PDXK: variants seen among roughly 807,000 people sequenced by gnomAD.
PDXK encodes the protein pyridoxal kinase, also known as epididymis secretory sperm binding protein Li 1a.
Under a neutral mutation model 43.2 loss-of-function variants are expected in PDXK, and 15 were observed. The ratio of observed to expected loss-of-function variants is 0.35; its 90% CI spans 0.23 to 0.53. PDXK has a LOEUF of 0.53. PDXK is among the 20% of genes least tolerant of loss of function. PDXK has a pLI of 0.92. For missense variants in PDXK, 343 were observed against 417.0 expected (o/e 0.82, Z 1.54); for synonymous variants, 172 against 165.4 (o/e 1.04, Z -0.31).
intron 3 of PDXK, 110 bp from the exon 4 acceptor site, chr21:43,743,614 T>A: frequency 5.2e-6 from 2 of 381,578 alleles, no homozygotes; most frequent in Non-Finnish European, 9.6e-6. Flanking sequence ...CCCACCTCCC[T>A]CCCCAGCCAC....
chr21:43,752,298 G>A (rs540645593), intron 7 of PDXK, among the ~76,000 whole-genome samples: 5 of 152,378 alleles, frequency 3.3e-5, no homozygotes, highest in African/African-American at 7.2e-5. Context: ...GGAGCCACAC[G>A]GTTTGGGCTG....
intron 2 of PDXK, among the ~76,000 whole-genome samples, chr21:43,736,736 G>T (rs2083410043): frequency 7.0e-6 from 1 of 143,850 alleles, no homozygotes; most frequent in African/African-American, 2.6e-5. Context: ...GAGCTCAAGA[G>T]ATCCTCCCAC....
chr21:43,738,662 G>T (rs1162936581), intron 2 of PDXK: 2 of 152,376 alleles, frequency 1.3e-5, no homozygotes, highest in South Asian at 2.1e-4. Flanking sequence ...ACAGACACAC[G>T]AGCTCCTGGT....
chr21:43,750,912 ATGTGTG>A (rs1568991095), intron 7 of PDXK, among the ~76,000 whole-genome samples: 56 of 62,902 alleles, frequency 8.9e-4, no homozygotes, highest in African/African-American at 2.8e-3. Context: ...GTGTGCACGC[ATGTGTG>A]CATGTGTGTG....
At chr21:43,733,715 T>A in intron 1 of PDXK, 1 of 1,091,272 alleles carries the variant, frequency 9.2e-7, no homozygotes, top group Non-Finnish European at 1.2e-6. Context: ...GGGTATTGCC[T>A]TCGTTTTATT....
chr21:43,753,256 G>A (rs547036525), intron 8 of PDXK, among the ~76,000 whole-genome samples: 5 of 152,120 alleles, frequency 3.3e-5, no homozygotes, highest in Middle Eastern at 3.4e-3. Context: ...ATGCATACAC[G>A]TGGGCACACG....
chr21:43,721,101 C>T (rs1222897736), intron 1 of PDXK, among the ~76,000 whole-genome samples: 1 of 152,236 alleles, frequency 6.6e-6, no homozygotes, highest in Non-Finnish European at 1.5e-5. Flanking sequence ...ATTTTGCTCC[C>T]ATACCCCGAT....
intron 1 of PDXK, chr21:43,728,905 A>G (rs1316076790): frequency 3.0e-6 from 3 of 985,562 alleles, no homozygotes; most frequent in Non-Finnish European, 3.6e-6. Context: ...TTTCTAAGCC[A>G]TCCCACTGGC....
chr21:43,726,615 C>T (rs182179753), intron 1 of PDXK, among the ~76,000 whole-genome samples: 1 of 152,262 alleles, frequency 6.6e-6, no homozygotes, highest in East Asian at 1.9e-4. Context: ...ACCATGTTGG[C>T]CAGGCTGGTC....
At chr21:43,733,464 A>T (rs941405526) in intron 1 of PDXK, 1 of 166,302 alleles carries the variant, frequency 6.0e-6, no homozygotes, top group Non-Finnish European at 1.2e-5. Context: ...TGGCCCTGGG[A>T]GATACAGGAA....
chr21:43,752,779 G>T, intron 8 of PDXK, 150 bp downstream of exon 8: 1 of 610,410 alleles, frequency 1.6e-6, no homozygotes, highest in East Asian at 2.8e-5. Flanking sequence ...GACTCTCAGG[G>T]ATCAGGTGGG....
rs1050388509 is a variant in PDXK, at chr21:43,735,782, G to C, written c.142+1659G>C. Among the ~76,000 whole-genome samples, 1 of 152,160 alleles carries C rather than the reference G, an allele frequency of 6.6e-6. No homozygotes were observed. The highest frequency in any genetic ancestry group is 1.5e-5 in the Non-Finnish European group (1 of 68,014). ...TGTGCGGCCTGATCAGGAGGCCCCC[G>C]GGTAGCTTCCCTAAGGCTGTCTCTG... On this transcript the variant is annotated intron_variant, in intron 2 of 10. Transcript: ENST00000291565. The surrounding 1 kb of genome is among the most constrained non-coding windows in gnomAD (Gnocchi z 5.3).
chr21:43,733,878 G>C (rs2083361033), intron 1 of PDXK, among the ~76,000 whole-genome samples, 191 bp from the exon 2 acceptor site: 1 of 152,254 alleles, frequency 6.6e-6, no homozygotes, highest in Admixed American at 6.5e-5. Flanking sequence ...ACAAGGCCCT[G>C]CCTGTGCACA....
chr21:43,740,727 G>C (rs2083484579), intron 2 of PDXK, among the ~76,000 whole-genome samples: 1 of 151,842 alleles, frequency 6.6e-6, no homozygotes, highest in Non-Finnish European at 1.5e-5. Context: ...CTACCCATCG[G>C]GCCAAGGGCA....
intron 1 of PDXK, among the ~76,000 whole-genome samples, chr21:43,728,280 T>C (rs940947236): frequency 6.6e-6 from 1 of 152,136 alleles, no homozygotes; most frequent in Non-Finnish European, 1.5e-5. Context: ...CGCGGGGTGC[T>C]TGTGCCCCAG....
chr21:43,726,109 TTTC>T (rs1028886277), intron 1 of PDXK, among the ~76,000 whole-genome samples: 1 of 152,116 alleles, frequency 6.6e-6, no homozygotes, highest in African/African-American at 2.4e-5. Context: ...GTTTCTGGTA[TTTC>T]TTCTTTTTCT....
chr21:43,733,954 G>T (rs1601795405), intron 1 of PDXK, 115 bp from the exon 2 acceptor site: 1 of 1,019,720 alleles, frequency 9.8e-7, no homozygotes, highest in East Asian at 2.4e-5. Flanking sequence ...GCAGCTGGGG[G>T]CCCCGTGCCA....
chr21:43,722,275 G>T (rs561074250), intron 1 of PDXK, among the ~76,000 whole-genome samples: 21 of 152,270 alleles, frequency 1.4e-4, no homozygotes, highest in Middle Eastern at 3.4e-3. Flanking sequence ...TGGGAGGTTT[G>T]GCTCTTTGGA....
Position 43,754,778 on chromosome 21 carries a change from C to A in PDXK, c.760-920C>A, listed in dbSNP as rs2083817209. On this transcript the variant is annotated intron_variant, in intron 9 of 10. Transcript: ENST00000291565. This position sits in a 1 kb window ranked among gnomAD's most constrained non-coding sequence, Gnocchi z 5.5. ...TTCAGAGGTCAGGACCTGCAGGTGG[C>A]TCTCCCTGTGCTGTCTTTGCCGGGC... Among the ~76,000 whole-genome samples, 4 of 152,146 alleles carry A rather than the reference C, an allele frequency of 2.6e-5. No individual in the cohort carries two copies. In the South Asian group the frequency reaches 8.3e-4, roughly 32 times the overall value.
Sources: gnomAD v4.1 joint callset for allele counts (sites outside exome capture counted in the v4.1 genomes callset) on GRCh38, gnomAD v4.1.1 for gene constraint, Gnocchi (gnomAD v3.1) non-coding constraint, MANE v1.5 for transcripts, NCBI Gene and HGNC (gene_info 2026-07-23, HGNC 2026-07-21) for gene names.